Variants in INO80 observed in about 807,000 individuals in gnomAD.
INO80 encodes the protein chromatin-remodeling ATPase INO80.
In INO80, 20 loss-of-function variants were observed where a neutral mutation model predicts 203.4. That is an observed-to-expected ratio of 0.10 (90% confidence interval 0.07 to 0.14). The LOEUF (loss-of-function observed/expected upper bound fraction) is 0.14. Ranked by LOEUF, INO80 falls within the 10% of genes least tolerant of loss-of-function variation. The pLI is 1.00. For missense variants in INO80, 1,419 were observed against 1,914.4 expected (o/e 0.74, Z 4.83); for synonymous variants, 726 against 685.2 (o/e 1.06, Z -0.93).
intron 25 of INO80, among the ~76,000 whole-genome samples, chr15:41,025,350 A>G (rs1396765243): frequency 6.6e-6 from 1 of 152,156 alleles, no homozygotes; most frequent in African/African-American, 2.4e-5. Context: ...GTGGTAAAAA[A>G]TGAAGAACTT....
chr15:41,034,017 GT>G (rs2044532404), intron 24 of INO80, among the ~76,000 whole-genome samples: 1 of 152,078 alleles, frequency 6.6e-6, no homozygotes, highest in Non-Finnish European at 1.5e-5. Context: ...AGCTGAGATG[GT>G]GCCACTGCAC....
intron 24 of INO80, among the ~76,000 whole-genome samples, chr15:41,043,439 C>T (rs2044702214): frequency 6.6e-6 from 1 of 152,182 alleles, no homozygotes; most frequent in Admixed American, 6.5e-5. Context: ...TTACTCCAAA[C>T]AGGCTGGAAT....
chr15:41,087,544 G>C lies in INO80; in HGVS notation c.658+18C>G, dbSNP rs187555859. ...AACTAAGAATGAATATACGTGGAAG[G>C]CAGTTCAACATGCTCACCTTTAAGT... On this transcript the variant is annotated intron_variant, in intron 6 of 35. Transcript: ENST00000648947. The C allele has an allele frequency of 5.0e-6, 8 of 1,612,720 alleles. No individual in the cohort carries two copies. The East Asian group carries it at 1.8e-4, about 36-fold the overall frequency.
At chr15:40,982,616 A>G (rs796573185) in intron 35 of INO80, among the ~76,000 whole-genome samples, 9 of 152,364 alleles carry the variant, frequency 5.9e-5, no homozygotes, top group African/African-American at 2.2e-4. Context: ...CAGAATGTTT[A>G]AAGTAGTACA....
At chr15:40,983,190 G>A (rs1411685727) in intron 34 of INO80, 113 bp from the exon 35 acceptor site, 2 of 749,026 alleles carry the variant, frequency 2.7e-6, no homozygotes, top group African/African-American at 1.8e-5. Context: ...ATTTGTTTTA[G>A]GACCCATGAG....
At position 40,983,780 on chromosome 15, in the gene INO80, C is replaced by A. The variant is rs753109209; in HGVS notation, c.4219G>T (p.Val1407Phe). Residue 1407 changes from valine to phenylalanine, a missense_variant, in exon 34 of 36, where the codon GTC (valine) becomes TTC (phenylalanine). Coordinates refer to ENST00000648947, the MANE Select transcript of INO80 (RefSeq NM_017553.3). ...CAATTACCATTCACGGTATCTGAGA[C>A]GGAGCCTGTTATGGATGCGGGAGAG... Reference protein sequence around the residue: ...TNSPASITGSVSDTVNGISIQ... With the variant: ...TNSPASITGSFSDTVNGISIQ... 2 of 1,612,362 alleles carry A rather than the reference C, an allele frequency of 1.2e-6. No individual in the cohort carries two copies. The highest frequency in any genetic ancestry group is 2.2e-5 in the East Asian group (1 of 44,876).
At chr15:41,069,965 G>A (rs1054671081) in intron 13 of INO80, among the ~76,000 whole-genome samples, 21 of 152,120 alleles carry the variant, frequency 1.4e-4, no homozygotes, top group South Asian at 1.0e-3. Flanking sequence ...CTAGTTATCC[G>A]ACAATCTTGT....
At chr15:40,982,040 AT>A (rs1471580556) in intron 35 of INO80, among the ~76,000 whole-genome samples, 1 of 152,188 alleles carries the variant, frequency 6.6e-6, no homozygotes, top group Non-Finnish European at 1.5e-5. Flanking sequence ...CCTTCTTTTC[AT>A]TCCCCTGTAT....
chr15:40,998,045 G>A (rs542158110), intron 28 of INO80, among the ~76,000 whole-genome samples: 19 of 97,552 alleles, frequency 1.9e-4, no homozygotes, highest in Non-Finnish European at 2.8e-4. Flanking sequence ...TTTTTTAGAC[G>A]TAGTCTTGTT....
At chr15:40,982,815 C>T in intron 35 of INO80, 47 bp downstream of exon 35, 1 of 1,459,792 alleles carries the variant, frequency 6.9e-7, no homozygotes, top group Non-Finnish European at 9.5e-7. Context: ...AATTTCTAGA[C>T]TGTCTCTGAC....
At chr15:40,998,016 CTTTTTTTTTTTTTTT>C (rs10572892) in intron 28 of INO80, among the ~76,000 whole-genome samples, 1 of 75,178 alleles carries the variant, frequency 1.3e-5, no homozygotes, top group African/African-American at 5.5e-5. Flanking sequence ...CCAAAACACT[CTTTTTTTTTTTTTTT>C]TTTTTTTTTA....
At chr15:41,095,569 C>T (rs756803962) in intron 4 of INO80, 32 bp downstream of exon 4, 3 of 1,492,312 alleles carry the variant, frequency 2.0e-6, no homozygotes, top group African/African-American at 1.4e-5. Context: ...AGTAGACTAT[C>T]TGCACTGTAA....
chr15:41,065,582 T>C (rs1442541743), intron 14 of INO80, among the ~76,000 whole-genome samples: 1 of 152,110 alleles, frequency 6.6e-6, no homozygotes, highest in African/African-American at 2.4e-5. Context: ...TGCACAGGAA[T>C]GTTCATAGCA....
At position 41,092,079 on chromosome 15, in the gene INO80, C is replaced by T. The variant is rs755595019; in HGVS notation, c.485G>A (p.Arg162Gln). ...LSREELHNMLRLHKYKKLHQN... is the reference protein window; with the variant it reads ...LSREELHNMLQLHKYKKLHQN... ...GTGAAGTTTCTTATATTTGTGTAGTCGAAGCATGTTGTGAAGTTCTTCTCT... is the reference window on the plus strand; with the variant it reads ...GTGAAGTTTCTTATATTTGTGTAGTTGAAGCATGTTGTGAAGTTCTTCTCT... The change falls in exon 5 of 36, where the codon CGA becomes CAA. Residue 162 changes from arginine to glutamine, a missense_variant. Arg to Gln is a conservative substitution (Grantham distance 43). Transcript: ENST00000648947. 2.5e-6 allele frequency: 4 copies of T among 1,611,992 alleles called. No homozygotes were observed. Among genetic ancestry groups the T allele is most frequent in the South Asian group, 2.2e-5 (2 of 90,958 alleles).
At chr15:40,980,766 G>A (rs57859748) in intron 35 of INO80, among the ~76,000 whole-genome samples, 9,072 of 152,298 alleles carry the variant, frequency 0.06, 756 homozygotes, top group African/African-American at 0.19. Flanking sequence ...CAGGATGAGA[G>A]CTGTAACTTA....
At chr15:41,045,991 C>T (rs910756011) in intron 23 of INO80, among the ~76,000 whole-genome samples, 32 of 151,294 alleles carry the variant, frequency 2.1e-4, no homozygotes, top group Admixed American at 2.1e-3. Context: ...ACCATTATAC[C>T]AGAGAACAGA....
At chr15:41,094,941 T>G (rs894446548) in intron 4 of INO80, among the ~76,000 whole-genome samples, 1 of 152,004 alleles carries the variant, frequency 6.6e-6, no homozygotes, top group Non-Finnish European at 1.5e-5. Context: ...ACCTTCAGAC[T>G]ATGTGTATAA....
At chr15:41,020,739 T>C (rs1204237563) in intron 26 of INO80, among the ~76,000 whole-genome samples, 161 bp downstream of exon 26, 1 of 152,050 alleles carries the variant, frequency 6.6e-6, no homozygotes, top group African/African-American at 2.4e-5. Context: ...CCACTCATCA[T>C]AAATTACTAA....
rs1166259231 is a variant in INO80, at chr15:41,085,511, T to C, written c.731A>G (p.His244Arg). The part of the protein sequence containing the change: ...ELSSEESPRR[H>R]HHQTKVFAKF... ...GGCAAAGACTTTGGTCTGGTGGTGA[T>C]GGCGACGAGGGGATTCTTCAGAGGA... is the stretch of plus-strand genomic sequence containing the variant. The change falls in exon 7 of 36, where the codon CAT becomes CGT. Residue 244 changes from histidine to arginine, a missense_variant. Coordinates refer to ENST00000648947, the MANE Select transcript of INO80 (RefSeq NM_017553.3). The C allele has an allele frequency of 1.9e-6, 3 of 1,614,212 alleles. No homozygotes were observed. Among genetic ancestry groups the C allele is most frequent in the East Asian group, 2.2e-5 (1 of 44,886 alleles).
Sources: gnomAD v4.1 joint callset for allele counts (sites outside exome capture counted in the v4.1 genomes callset) on GRCh38, gnomAD v4.1.1 for gene constraint, MANE v1.5 for transcripts, NCBI Gene and HGNC (gene_info 2026-07-23, HGNC 2026-07-21) for gene names.